OPCML: variants seen among roughly 807,000 people sequenced by gnomAD.
The protein encoded by OPCML is opioid binding protein/cell adhesion molecule like.
OPCML carries 13 observed loss-of-function variants against 37.8 expected under a neutral mutation model. That is an observed-to-expected ratio of 0.34 (90% CI 0.22 to 0.55). The LOEUF is 0.55. OPCML is among the 20% of genes least tolerant of loss of function. The pLI is 0.91. For missense variants in OPCML, 341 were observed against 435.6 expected (o/e 0.78, Z 1.93); for synonymous variants, 176 against 168.8 (o/e 1.04, Z -0.33).
chr11:132,936,399 C>T (rs1945375174), intron 2 of OPCML, among the ~76,000 whole-genome samples: 5 of 152,112 alleles, frequency 3.3e-5, no homozygotes, highest in Admixed American at 2.6e-4. Context: ...AACCTGGACC[C>T]GTAGGCTGTT....
chr11:133,339,688 T>C (rs930332634), intron 1 of OPCML, among the ~76,000 whole-genome samples: 5 of 152,194 alleles, frequency 3.3e-5, no homozygotes, highest in African/African-American at 1.2e-4. Flanking sequence ...AAGCCTACCC[T>C]TGTCTCCTGG....
At chr11:132,904,258 G>A (rs1435600769) in intron 2 of OPCML, among the ~76,000 whole-genome samples, 3 of 152,182 alleles carry the variant, frequency 2.0e-5, no homozygotes, top group Non-Finnish European at 2.9e-5. Context: ...ACACAGAGGA[G>A]AATGCATTTC....
At chr11:132,553,565 C>A (rs2096387320) in intron 3 of OPCML, among the ~76,000 whole-genome samples, 1 of 152,084 alleles carries the variant, frequency 6.6e-6, no homozygotes, top group Admixed American at 6.5e-5. Context: ...AAATTAATTT[C>A]TCTTTAAAAT....
intron 1 of OPCML, among the ~76,000 whole-genome samples, chr11:132,983,950 A>C (rs1946639145): frequency 6.6e-6 from 1 of 152,324 alleles, no homozygotes; most frequent in Admixed American, 6.5e-5. Context: ...GTCAGGTTCT[A>C]ATCCATTGAG....
chr11:132,702,523 T>C (rs912168468), intron 2 of OPCML, among the ~76,000 whole-genome samples: 2 of 152,232 alleles, frequency 1.3e-5, no homozygotes, highest in African/African-American at 4.8e-5. Context: ...AATTTGATTA[T>C]AATGTGTCAA....
At chr11:133,401,109 G>C (rs1423223112) in intron 1 of OPCML, among the ~76,000 whole-genome samples, 1 of 152,040 alleles carries the variant, frequency 6.6e-6, no homozygotes, top group Non-Finnish European at 1.5e-5. Flanking sequence ...AATACCAAGA[G>C]GACCAAAAGT....
At chr11:133,146,607 C>A (rs2137179453) in intron 1 of OPCML, among the ~76,000 whole-genome samples, 1 of 152,264 alleles carries the variant, frequency 6.6e-6, no homozygotes, top group African/African-American at 2.4e-5. Flanking sequence ...GCCAACGTGC[C>A]TGGCCATGCT....
At chr11:133,108,053 C>T (rs1949188202) in intron 1 of OPCML, among the ~76,000 whole-genome samples, 1 of 152,102 alleles carries the variant, frequency 6.6e-6, no homozygotes. Flanking sequence ...TCAGGATGCA[C>T]AAAAGCAGAG....
In OPCML at chr11:132,559,038, A is replaced by G. The variant is rs567207862; in HGVS notation, c.380-29852T>C. ...GTTCCAATCAGTGATCCATAGAATG[A>G]TGACTTCCATGTATATTTAGTTTGA... is the stretch of plus-strand genomic sequence containing the variant. On this transcript the variant is annotated intron_variant, in intron 3 of 7. Transcript: ENST00000524381. Among the ~76,000 whole-genome samples the G allele has an allele frequency of 5.9e-5, 9 of 152,296 alleles. No homozygotes were observed. The South Asian group carries it at 1.9e-3, about 32-fold the overall frequency.
At position 132,416,824 on chromosome 11, in the gene OPCML, G is replaced by A. The variant is rs889270222; in HGVS notation, c.*3369C>T. On this transcript the variant is annotated 3_prime_UTR_variant, in exon 8 of 8. Coordinates refer to ENST00000524381, the MANE Select transcript of OPCML (RefSeq NM_001012393.5). ...TCTCCCCCTCCCTGAATTAAAGCAA[G>A]AATGAGAAAAACTAAACATGCTTGT... The A allele has an allele frequency of 3.9e-5, 6 of 152,572 alleles. No individual in the cohort carries two copies. The highest frequency in any genetic ancestry group is 1.3e-4 in the Admixed American group (2 of 15,266). 9.5% of individuals were successfully genotyped at this position (152,572 alleles called of 1,614,324 possible).
At chr11:133,320,888 T>A (rs1943313898) in intron 1 of OPCML, among the ~76,000 whole-genome samples, 1 of 152,158 alleles carries the variant, frequency 6.6e-6, no homozygotes, top group East Asian at 1.9e-4. Context: ...CAGAACACAA[T>A]AACGGCAGCA....
At chr11:132,986,955 G>A (rs1946691567) in intron 1 of OPCML, among the ~76,000 whole-genome samples, 1 of 152,204 alleles carries the variant, frequency 6.6e-6, no homozygotes, top group African/African-American at 2.4e-5. Context: ...AGCACTCTGA[G>A]TGAGATGAGG....
chr11:132,417,395 G>A lies in OPCML; in HGVS notation c.*2798C>T, dbSNP rs756713867. On this transcript the variant is annotated 3_prime_UTR_variant, in exon 8 of 8. Transcript: ENST00000524381. ...TGCCTTGGGTTGTATTTACTTTGTTGTCTTTACCCCAGACAGATGAGGATC... is the reference window on the plus strand; with the variant it reads ...TGCCTTGGGTTGTATTTACTTTGTTATCTTTACCCCAGACAGATGAGGATC... 1 of 152,158 alleles carries A rather than the reference G, an allele frequency of 6.6e-6. No individual in the cohort carries two copies. The highest frequency in any genetic ancestry group is 2.4e-5 in the African/African-American group (1 of 41,430). 9.4% of individuals were successfully genotyped at this position (152,158 alleles called of 1,614,324 possible). A position where few individuals can be genotyped will look rare whatever the true frequency, so the allele number is the denominator to read the frequency against.
chr11:132,647,425 A>G (rs1941209741), intron 3 of OPCML, among the ~76,000 whole-genome samples: 1 of 152,230 alleles, frequency 6.6e-6, no homozygotes, highest in Non-Finnish European at 1.5e-5. Context: ...AAATCTGCAA[A>G]TAACTTTGAC....
chr11:133,434,842 T>TTAATATATATTCAATA (rs1946201551), intron 1 of OPCML, among the ~76,000 whole-genome samples: 1 of 146,582 alleles, frequency 6.8e-6, no homozygotes, highest in Non-Finnish European at 1.5e-5. Context: ...ATATATATAT[T>TTAATATATATTCAATA]TAATATATAT....
At chr11:132,942,030 G>A (rs7927213) in intron 2 of OPCML, among the ~76,000 whole-genome samples, 6,148 of 152,198 alleles carry the variant, frequency 0.04, 397 homozygotes, top group African/African-American at 0.14. Flanking sequence ...AAATGCATTC[G>A]CCCTGTGTAC....
chr11:133,111,144 G>A (rs986673342), intron 1 of OPCML, among the ~76,000 whole-genome samples: 6 of 151,362 alleles, frequency 4.0e-5, no homozygotes, highest in African/African-American at 7.3e-5. Flanking sequence ...ATAGAATTCC[G>A]ACCATTGTTT....
At chr11:132,952,712 C>T (rs1270085680) in intron 1 of OPCML, among the ~76,000 whole-genome samples, 1 of 152,134 alleles carries the variant, frequency 6.6e-6, no homozygotes, top group Non-Finnish European at 1.5e-5. Flanking sequence ...CAGGGCGATC[C>T]TCTGAGTTTG....
intron 1 of OPCML, among the ~76,000 whole-genome samples, chr11:133,372,283 T>C (rs1301321087): frequency 6.6e-6 from 1 of 152,192 alleles, no homozygotes; most frequent in Admixed American, 6.5e-5. Flanking sequence ...AAAACTCACA[T>C]ATACCCAATA....
Sources: allele counts gnomAD v4.1 joint callset (sites outside exome capture counted in the v4.1 genomes callset), GRCh38; gene constraint gnomAD v4.1.1; transcripts MANE v1.5; gene names NCBI Gene and HGNC (gene_info 2026-07-23, HGNC 2026-07-21).